Variants in NGFR observed in about 807,000 individuals in gnomAD.
NGFR encodes the protein tumor necrosis factor receptor superfamily member 16.
Under a neutral mutation model 43.2 loss-of-function variants are expected in NGFR, and 30 were observed. That is an observed-to-expected ratio of 0.69 (90% CI 0.52 to 0.94). The LOEUF (loss-of-function observed/expected upper bound fraction) is 0.94, where lower values mean the gene tolerates loss of function less well. Ranked by LOEUF, NGFR falls within the 40% of genes least tolerant of loss-of-function variation. NGFR has a pLI of 0.00. For missense variants in NGFR, 529 were observed against 602.5 expected (o/e 0.88, Z 1.28); for synonymous variants, 246 against 259.6 (o/e 0.95, Z 0.50).
intron 2 of NGFR, among the ~76,000 whole-genome samples, chr17:49,504,758 TTTCTTTC>T (rs2071186240): frequency 5.9e-5 from 1 of 16,848 alleles, no homozygotes. Context: ...ACCCTTTTTC[TTTCTTTC>T]TTTCTTTTTT....
chr17:49,505,273 C>A (rs2071190196), intron 2 of NGFR, among the ~76,000 whole-genome samples: 1 of 152,184 alleles, frequency 6.6e-6, no homozygotes, highest in Non-Finnish European at 1.5e-5. Context: ...ACATTCTGAA[C>A]AATCTGTCCT....
chr17:49,504,866 T>G (rs1045013462), intron 2 of NGFR, among the ~76,000 whole-genome samples: 7 of 147,808 alleles, frequency 4.7e-5, no homozygotes, highest in African/African-American at 1.5e-4. Context: ...CTGCCTCCCA[T>G]GCTCAAGCAA....
intron 2 of NGFR, among the ~76,000 whole-genome samples, chr17:49,503,888 C>T (rs925268362): frequency 3.9e-5 from 6 of 152,180 alleles, no homozygotes; most frequent in Admixed American, 2.6e-4. Context: ...CCTTTCCCTT[C>T]AGTCAAAGGA....
At chr17:49,507,224 G>A (rs1193089672) in intron 3 of NGFR, among the ~76,000 whole-genome samples, 1 of 152,164 alleles carries the variant, frequency 6.6e-6, no homozygotes, top group Non-Finnish European at 1.5e-5. Flanking sequence ...TCCTGTCTCT[G>A]GGCCTCGGTT....
chr17:49,502,100 G>T lies in NGFR; in HGVS notation c.104G>T (p.Gly35Val). ...LGGAKEACPT[G>V]LYTHSGECCK... ...GGTGCCAAGGAGGCATGCCCCACAG[G>T]CCTGTACACACACAGCGGTGAGTGC... Residue 35 changes from glycine to valine, a missense_variant, in exon 2 of 6, where the codon GGC becomes GTC. Transcript: ENST00000172229. The T allele has an allele frequency of 6.5e-7, 1 of 1,539,150 alleles. No individual in the cohort carries two copies. The highest frequency in any genetic ancestry group is 8.8e-7 in the Non-Finnish European group (1 of 1,134,156).
chr17:49,498,877 C>T (rs1474496365), intron 1 of NGFR, among the ~76,000 whole-genome samples: 4 of 152,182 alleles, frequency 2.6e-5, no homozygotes, highest in African/African-American at 7.2e-5. Context: ...CTTGGCTAAA[C>T]TCTCCCCTCC....
chr17:49,510,816 G>T, intron 4 of NGFR, 152 bp downstream of exon 4: 1 of 954,262 alleles, frequency 1.0e-6, no homozygotes. Context: ...ACTCCAGGGT[G>T]CAGCAGGTCA....
chr17:49,501,999 A>ACGGGCCC, intron 1 of NGFR, 64 bp from the exon 2 acceptor site: 1 of 330,984 alleles, frequency 3.0e-6, no homozygotes, highest in Non-Finnish European at 5.9e-6. Flanking sequence ...TCCCCGGAAG[A>ACGGGCCC]ACCCCCCCCA....
rs1597864698 is a variant in NGFR at position 49,511,927 on chromosome 17, A to G, written c.857A>G (p.Asn286Ser). The G allele has an allele frequency of 1.2e-6, 2 of 1,612,230 alleles. No homozygotes were observed. The highest frequency in any genetic ancestry group is 4.5e-5 in the East Asian group (2 of 44,854). ...TGCAAGCAGAACAAGCAAGGAGCCA[A>G]CAGCCGGCCAGTGAACCAGACGCCC... ...NSCKQNKQGANSRPVNQTPPP... is the reference protein window; with the variant it reads ...NSCKQNKQGASSRPVNQTPPP... Residue 286 changes from asparagine to serine, a missense_variant, in exon 5 of 6, where the codon AAC becomes AGC. By Grantham distance (46) the Asn-to-Ser change is conservative. Coordinates refer to ENST00000172229, the MANE Select transcript of NGFR (RefSeq NM_002507.4).
At chr17:49,499,050 G>A (rs2071153456) in intron 1 of NGFR, among the ~76,000 whole-genome samples, 1 of 152,128 alleles carries the variant, frequency 6.6e-6, no homozygotes, top group African/African-American at 2.4e-5. Flanking sequence ...AAAAACTGAG[G>A]TTTAGGGAAA....
chr17:49,501,606 T>C (rs1051825744), intron 1 of NGFR, among the ~76,000 whole-genome samples: 2 of 152,228 alleles, frequency 1.3e-5, no homozygotes, highest in East Asian at 3.8e-4. Flanking sequence ...TCTGGGTAGA[T>C]ACAACCCAGC....
At chr17:49,497,381 G>A (rs1395755222) in intron 1 of NGFR, 8 of 152,356 alleles carry the variant, frequency 5.3e-5, no homozygotes, top group South Asian at 2.1e-4. Context: ...TCAGACGCGG[G>A]TGGGCGAGCG....
chr17:49,495,638 G>T lies in NGFR; in HGVS notation c.66+155G>T. 1.5e-6 allele frequency: 1 copy of T among 653,662 alleles called. No homozygotes were observed. The allele number at this position is 653,662 out of a possible 1,614,324, so 40.5% of individuals were successfully genotyped here. ...GACCTCTGATGCCGGGACCACGAAGGAGGGTCTAGGGTTCCCGGAGCGCAG... is the reference window on the plus strand; with the variant it reads ...GACCTCTGATGCCGGGACCACGAAGTAGGGTCTAGGGTTCCCGGAGCGCAG... On this transcript the variant is annotated intron_variant, in intron 1 of 5. Transcript: ENST00000172229. The surrounding 1 kb of genome is among the most constrained non-coding windows in gnomAD (Gnocchi z 6.4).
rs183407964 is a variant in NGFR at position 49,504,479 on chromosome 17, G to A, written c.209-1820G>A. On this transcript the variant is annotated intron_variant, in intron 2 of 5. Transcript: ENST00000172229. ...CCAATCTTTATAGGATCCCAACTACGTGCCAAAGCTTTATGGCTGAATTTC... is the reference window on the plus strand; with the variant it reads ...CCAATCTTTATAGGATCCCAACTACATGCCAAAGCTTTATGGCTGAATTTC... Among the ~76,000 whole-genome samples, 32 of 152,276 alleles carry A rather than the reference G, an allele frequency of 2.1e-4. 1 individual carries two copies. The highest frequency in any genetic ancestry group is 9.2e-4 in the Admixed American group (14 of 15,294).
intron 1 of NGFR, chr17:49,496,674 G>C (rs1226250712): frequency 2.6e-5 from 4 of 152,204 alleles, no homozygotes; most frequent in Non-Finnish European, 5.9e-5. Flanking sequence ...CCCGAGCGCC[G>C]CGCCCACCGC....
In NGFR at chr17:49,510,587, C is replaced by T. The variant is rs772244050; in HGVS notation, c.744C>T (p.Thr248=). Residue 248 remains threonine, a synonymous_variant, in exon 4 of 6, where the codon ACC becomes ACT. Coordinates refer to ENST00000172229, the MANE Select transcript of NGFR (RefSeq NM_002507.4). ...AGCCCGTGGTGACCCGAGGCACCAC[C>T]GACAACCTCATCCCTGTCTATTGCT... ...SSQPVVTRGT[T]DNLIPVYCSI... is the part of the protein sequence containing the mutation. 4.0e-5 allele frequency: 64 copies of T among 1,613,934 alleles called. No individual in the cohort carries two copies. The highest frequency in any genetic ancestry group is 3.3e-4 in the Middle Eastern group (2 of 6,084).
chr17:49,506,271 G>A (rs374752931), intron 2 of NGFR, 28 bp from the exon 3 acceptor site: 23 of 1,522,000 alleles, frequency 1.5e-5, no homozygotes, highest in South Asian at 1.0e-4. Flanking sequence ...AAGAGCAGAC[G>A]ACTAAATCTG....
chr17:49,504,586 T>C (rs956864434), intron 2 of NGFR, among the ~76,000 whole-genome samples: 2 of 152,152 alleles, frequency 1.3e-5, no homozygotes, highest in African/African-American at 4.8e-5. Flanking sequence ...AGAGGTTAAG[T>C]AAAACACCCA....
At chr17:49,502,000 A>ACGGGCCC in intron 1 of NGFR, 63 bp from the exon 2 acceptor site, 1 of 264,886 alleles carries the variant, frequency 3.8e-6, no homozygotes, top group Non-Finnish European at 7.9e-6. Context: ...CCCCGGAAGA[A>ACGGGCCC]CCCCCCCCAA....
Sources: allele counts gnomAD v4.1 joint callset (sites outside exome capture counted in the v4.1 genomes callset), GRCh38; gene constraint gnomAD v4.1.1; non-coding constraint Gnocchi (gnomAD v3.1); transcripts MANE v1.5; gene names NCBI Gene and HGNC (gene_info 2026-07-23, HGNC 2026-07-21).